The following STPG2 variants were observed in gnomAD, a reference collection of about 807,000 sequenced individuals.
STPG2 encodes sperm tail PG-rich repeat containing 2.
Under a neutral mutation model 54.2 loss-of-function variants are expected in STPG2, and 56 were observed. That is an observed-to-expected ratio of 1.03 (90% CI 0.83 to 1.29). The LOEUF (loss-of-function observed/expected upper bound fraction) is 1.29. Among genes scored for constraint, STPG2 ranks in the 50% most tolerant of loss-of-function variants. The probability of loss-of-function intolerance (pLI) is 0.00; values close to 1 mark genes in which losing one functional copy is unlikely to be tolerated. For missense variants in STPG2, 596 were observed against 544.9 expected, an observed-to-expected ratio of 1.09 and a Z score of -0.93; for synonymous variants, 200 against 181.8, an observed-to-expected ratio of 1.10 and a Z score of -0.81.
intron 10 of STPG2, among the ~76,000 whole-genome samples, chr4:97,694,771 C>A (rs1484724100): frequency 5.2e-5 from 6 of 115,278 alleles, no homozygotes; most frequent in Non-Finnish European, 9.8e-5. Flanking sequence ...CGAGATCATG[C>A]CACTGTACTC....
chr4:97,944,888 C>G (rs372629736), intron 7 of STPG2, among the ~76,000 whole-genome samples: 2 of 152,110 alleles, frequency 1.3e-5, no homozygotes, highest in East Asian at 1.9e-4. Context: ...ATTATTCCAA[C>G]CTATCCACTC....
intron 5 of STPG2, among the ~76,000 whole-genome samples, chr4:98,083,513 C>A (rs753880071): frequency 7.2e-5 from 11 of 152,068 alleles, no homozygotes; most frequent in Non-Finnish European, 1.2e-4. Flanking sequence ...TATAAAAATA[C>A]TGCCAAAAAG....
At chr4:97,453,163 G>C (rs1406723678) in intron 4 of STPG2, among the ~76,000 whole-genome samples, 1 of 152,222 alleles carries the variant, frequency 6.6e-6, no homozygotes, top group Non-Finnish European at 1.5e-5. Flanking sequence ...GTCCTGCAGT[G>C]CCTGGCATCT....
At chr4:98,124,087 G>A (rs776130627) in intron 3 of STPG2, among the ~76,000 whole-genome samples, 1 of 152,110 alleles carries the variant, frequency 6.6e-6, no homozygotes, top group Non-Finnish European at 1.5e-5. Context: ...GCCTGAGATA[G>A]GTCTCTTGAA....
chr4:97,822,572 A>T (rs924945856), intron 9 of STPG2, among the ~76,000 whole-genome samples: 1 of 152,212 alleles, frequency 6.6e-6, no homozygotes, highest in South Asian at 2.1e-4. Context: ...GGTAATACAT[A>T]AAAAGGCTTA....
At chr4:97,761,763 G>C (rs1725896477) in intron 9 of STPG2, among the ~76,000 whole-genome samples, 1 of 152,136 alleles carries the variant, frequency 6.6e-6, no homozygotes, top group Admixed American at 6.5e-5. Flanking sequence ...TGAAGAAATG[G>C]AAATGATGAT....
chr4:97,634,980 A>G (rs1440997337), intron 10 of STPG2, among the ~76,000 whole-genome samples: 1 of 152,212 alleles, frequency 6.6e-6, no homozygotes, highest in African/African-American at 2.4e-5. Flanking sequence ...GATTCAGGAA[A>G]TACAGAGAAC....
At chr4:97,573,104 A>G (rs1453060914) in intron 10 of STPG2, among the ~76,000 whole-genome samples, 1 of 152,092 alleles carries the variant, frequency 6.6e-6, no homozygotes, top group Non-Finnish European at 1.5e-5. Flanking sequence ...TAAATACGAT[A>G]TGCATTTTCA....
chr4:98,139,131 T>G (rs1002089181), intron 1 of STPG2, among the ~76,000 whole-genome samples: 33 of 152,294 alleles, frequency 2.2e-4, no homozygotes, highest in African/African-American at 7.9e-4. Context: ...TCCTACCTCA[T>G]GAAAGCAGAA....
chr4:97,526,868 GA>G (rs1731291762), intron 4 of STPG2, among the ~76,000 whole-genome samples: 1 of 152,020 alleles, frequency 6.6e-6, no homozygotes, highest in South Asian at 2.1e-4. Flanking sequence ...TGTAAGGAAG[GA>G]ATGGAGTTTC....
intron 8 of STPG2, among the ~76,000 whole-genome samples, chr4:97,854,552 T>A (rs1254141570): frequency 1.3e-5 from 2 of 150,082 alleles, no homozygotes; most frequent in Non-Finnish European, 3.0e-5. Context: ...CACTAGCAAA[T>A]ATTCATTCAA....
At chr4:97,589,711 G>A (rs112238966) in intron 10 of STPG2, among the ~76,000 whole-genome samples, 6 of 152,226 alleles carry the variant, frequency 3.9e-5, no homozygotes, top group East Asian at 1.9e-4. Flanking sequence ...CGGCAATGAC[G>A]GTTCGCAAAT....
intron 9 of STPG2, among the ~76,000 whole-genome samples, chr4:97,840,547 G>A (rs927499810): frequency 4.6e-5 from 7 of 151,400 alleles, no homozygotes; most frequent in Admixed American, 3.3e-4. Context: ...ATGGTTTCTC[G>A]GAAACTGCAA....
intron 5 of STPG2, among the ~76,000 whole-genome samples, chr4:98,021,815 T>C (rs1459923093): frequency 1.3e-5 from 2 of 152,008 alleles, no homozygotes; most frequent in Non-Finnish European, 2.9e-5. Context: ...TTAAAGTCTC[T>C]TTTATCAGAG....
intron 9 of STPG2, among the ~76,000 whole-genome samples, chr4:97,733,066 TC>T (rs1724858783): frequency 6.6e-6 from 1 of 152,052 alleles, no homozygotes; most frequent in African/African-American, 2.4e-5. Flanking sequence ...TACCATTCAA[TC>T]CAGCAATCCC....
At position 97,906,793 on chromosome 4, in the gene STPG2, A is replaced by T. The variant is rs181299536; in HGVS notation, c.1044+37104T>A. Among the ~76,000 whole-genome samples the T allele has an allele frequency of 2.0e-3, 299 of 152,298 alleles. 1 individual carries two copies. The highest frequency in any genetic ancestry group is 6.7e-3 in the African/African-American group (279 of 41,570). ...CATGATTATCTCAATAGATGCAGAAAAGGCCTTTGACAAAATTCAACACCC... is the reference window on the plus strand; with the variant it reads ...CATGATTATCTCAATAGATGCAGAATAGGCCTTTGACAAAATTCAACACCC... On this transcript the variant is annotated intron_variant, in intron 8 of 10. Coordinates refer to ENST00000295268, the MANE Select transcript of STPG2 (RefSeq NM_174952.3).
chr4:98,018,505 T>C (rs1736050421), intron 5 of STPG2, among the ~76,000 whole-genome samples: 1 of 152,238 alleles, frequency 6.6e-6, no homozygotes, highest in Non-Finnish European at 1.5e-5. Context: ...TATAGCAGCA[T>C]GATTTATAAT....
chr4:97,652,272 C>T (rs1463772290), intron 10 of STPG2, among the ~76,000 whole-genome samples: 1 of 151,814 alleles, frequency 6.6e-6, no homozygotes, highest in African/African-American at 2.4e-5. Context: ...TACAAATACA[C>T]TTTATTTTAG....
chr4:97,953,237 T>C (rs889069766), intron 7 of STPG2, among the ~76,000 whole-genome samples: 1 of 152,166 alleles, frequency 6.6e-6, no homozygotes, highest in Non-Finnish European at 1.5e-5. Flanking sequence ...CTGCCTCTGA[T>C]GTACAAATGA....
Sources: gnomAD v4.1 joint callset for allele counts (sites outside exome capture counted in the v4.1 genomes callset) on GRCh38, gnomAD v4.1.1 for gene constraint, MANE v1.5 for transcripts, NCBI Gene and HGNC (gene_info 2026-07-23, HGNC 2026-07-21) for gene names.